Variants in DOK7 observed in about 807,000 individuals in gnomAD.
DOK7 encodes protein Dok-7.
Under a neutral mutation model 30.7 loss-of-function variants are expected in DOK7, and 32 were observed. The observed-to-expected ratio is 1.04, with a 90% CI of 0.79 to 1.40. The LOEUF (loss-of-function observed/expected upper bound fraction) is 1.40. Ranked by LOEUF, DOK7 falls within the 40% of genes most tolerant of loss-of-function variation. The pLI, the probability that DOK7 is intolerant of heterozygous loss-of-function variation, is 0.00. For synonymous variants in DOK7, 447 were observed against 324.1 expected, an observed-to-expected ratio of 1.38 and a Z score of -4.07; for missense variants, 1,007 against 699.2, an observed-to-expected ratio of 1.44 and a Z score of -4.97.
At chr4:3,497,410 A>T (rs9683647), downstream of DOK7, among the ~76,000 whole-genome samples, 350 of 151,562 alleles carry the variant, frequency 2.3e-3, 10 homozygotes, top group East Asian at 0.062. Flanking sequence ...GTTGGGAGGG[A>T]GGGCCAGGCA....
intron 5 of DOK7, among the ~76,000 whole-genome samples, chr4:3,488,297 C>G (rs569779328): frequency 2.3e-3 from 344 of 152,358 alleles, no homozygotes; most frequent in Non-Finnish European, 4.1e-3. Context: ...GAGCTCTCAC[C>G]TGCCCGTGGG....
rs528747237 is a variant in DOK7 at position 3,494,091 on chromosome 4, C to T, written c.*590C>T. On this transcript the variant is annotated 3_prime_UTR_variant, in exon 7 of 7. Transcript: ENST00000340083. ...GCTTGCGGGGTCTCTGGGTTCTGGG[C>T]CCCACTGTTCCCCAGTGAAGCCCTT... 6.1e-5 allele frequency: 60 copies of T among 986,382 alleles called. No individual in the cohort carries two copies. The African/African-American group carries it at 9.9e-4, about 16-fold the overall frequency. 61.1% of individuals were successfully genotyped at this position (986,382 alleles called of 1,614,324 possible).
intron 2 of DOK7, among the ~76,000 whole-genome samples, chr4:3,473,038 A>G (rs530240900): frequency 1.3e-5 from 2 of 152,306 alleles, no homozygotes; most frequent in South Asian, 4.2e-4. Context: ...GGCAGGCCCC[A>G]CGCTGGGCCC....
At chr4:3,494,956 G>A (rs78770234), downstream of DOK7, among the ~76,000 whole-genome samples, 5,659 of 152,226 alleles carry the variant, frequency 0.037, 137 homozygotes, top group Admixed American at 0.062. Flanking sequence ...GTGCCTGCCT[G>A]TCCCTTTGCC....
chr4:3,468,186 G>A (rs1307746980), intron 2 of DOK7, among the ~76,000 whole-genome samples: 3 of 144,670 alleles, frequency 2.1e-5, no homozygotes, highest in Non-Finnish European at 4.5e-5. Context: ...CTGTGTGTGG[G>A]GGTGTGTGTG....
intron 4 of DOK7, among the ~76,000 whole-genome samples, chr4:3,478,983 AGGGGCAGCGGCATCAGCTTCCT>A (rs1727283600): frequency 6.6e-6 from 1 of 152,152 alleles, no homozygotes; most frequent in South Asian, 2.1e-4. Flanking sequence ...CGGGTGGTCC[AGGGGCAGCGGCATCAGCTTCCT>A]GGGGCTTCTG....
At chr4:3,478,327 G>T (rs954962188) in intron 4 of DOK7, among the ~76,000 whole-genome samples, 1 of 152,182 alleles carries the variant, frequency 6.6e-6, no homozygotes, top group Non-Finnish European at 1.5e-5. Flanking sequence ...CCCCTTTTCC[G>T]CTGGTAAACA....
At position 3,494,335 on chromosome 4, in the gene DOK7, C is replaced by A; in HGVS notation, c.*834C>A. 1.0e-6 allele frequency: 1 copy of A among 985,792 alleles called. No individual in the cohort carries two copies. Among genetic ancestry groups the A allele is most frequent in the Non-Finnish European group, 1.2e-6 (1 of 830,192 alleles). The allele number at this position is 985,792 out of a possible 1,614,324, so 61.1% of individuals were successfully genotyped here. A position where few individuals can be genotyped will look rare whatever the true frequency, so the allele number is the denominator to read the frequency against. On this transcript the variant is annotated 3_prime_UTR_variant, in exon 7 of 7. Coordinates refer to ENST00000340083, the MANE Select transcript of DOK7 (RefSeq NM_173660.5). ...TGTGTTGGGCCCATTGTCCCCCGCC[C>A]TGGGTGGCTTCCTCTTGCACAGCCT... is the stretch of plus-strand genomic sequence containing the variant.
intron 5 of DOK7, among the ~76,000 whole-genome samples, chr4:3,488,979 T>TCGCAGCAG (rs1727989092): frequency 6.6e-6 from 1 of 152,190 alleles, no homozygotes; most frequent in African/African-American, 2.4e-5. Context: ...ATGCTGAGGC[T>TCGCAGCAG]CGCAGCAGCG....
chr4:3,486,919 A>T (rs993518065), intron 5 of DOK7, among the ~76,000 whole-genome samples: 1 of 152,112 alleles, frequency 6.6e-6, no homozygotes, highest in Non-Finnish European at 1.5e-5. Flanking sequence ...CCCCTCAGGC[A>T]GTTCCCGGGG....
chr4:3,478,533 G>T (rs1727254383), intron 4 of DOK7, among the ~76,000 whole-genome samples: 1 of 83,336 alleles, frequency 1.2e-5, no homozygotes, highest in South Asian at 3.9e-4. Flanking sequence ...TGCAAACCGG[G>T]CTGGCCCCAC....
At chr4:3,481,446 G>A (rs555050374) in intron 4 of DOK7, among the ~76,000 whole-genome samples, 1 of 132,896 alleles carries the variant, frequency 7.5e-6, no homozygotes. Flanking sequence ...GGGAAGGGGG[G>A]GCCTTCTAGA....
chr4:3,485,453 T>G, intron 4 of DOK7, 86 bp from the exon 5 acceptor site: 1 of 1,393,308 alleles, frequency 7.2e-7, no homozygotes, highest in South Asian at 1.8e-5. Flanking sequence ...TTGGTGGAGT[T>G]TGCTGCGGTT....
intron 6 of DOK7, among the ~76,000 whole-genome samples, chr4:3,490,878 C>T (rs539633127): frequency 8.3e-6 from 1 of 120,536 alleles, no homozygotes; most frequent in East Asian, 2.8e-4. Flanking sequence ...CCTTCATTAC[C>T]CTCCTGCTCA....
At position 3,473,656 on chromosome 4, in the gene DOK7, GC is replaced by G; in HGVS notation, c.331+22del. ...GCGAGGGTGAGTGACGGGGGCCGGG[GC>G]CGGGCGGGGGCTCCCCGTTCAGGTG... On this transcript the variant is annotated intron_variant, in intron 3 of 6. Transcript: ENST00000340083. The G allele has an allele frequency of 6.6e-7, 1 of 1,526,686 alleles. No individual in the cohort carries two copies. Among genetic ancestry groups the G allele is most frequent in the Non-Finnish European group, 8.8e-7 (1 of 1,130,046 alleles). The allele number at this position is 1,526,686 out of a possible 1,614,324, so 94.6% of individuals were successfully genotyped here.
chr4:3,463,620 A>T (rs1242283263), intron 2 of DOK7, 69 bp downstream of exon 2: 27 of 1,511,696 alleles, frequency 1.8e-5, no homozygotes, highest in Non-Finnish European at 2.2e-5. Context: ...CCGGGGCAGT[A>T]ATGCCAGCTT....
chr4:3,489,578 C>T, intron 5 of DOK7, 99 bp from the exon 6 acceptor site: 1 of 1,541,270 alleles, frequency 6.5e-7, no homozygotes, highest in Non-Finnish European at 8.8e-7. Flanking sequence ...TGCCACTCCA[C>T]AGAGGGGGAT....
intron 5 of DOK7, among the ~76,000 whole-genome samples, chr4:3,488,860 G>A (rs1281785080): frequency 6.6e-6 from 1 of 151,786 alleles, no homozygotes; most frequent in East Asian, 1.9e-4. Context: ...GAAGGGGCAG[G>A]GTCTTGAGCC....
intron 5 of DOK7, among the ~76,000 whole-genome samples, chr4:3,487,682 G>T (rs531508936): frequency 3.3e-5 from 5 of 152,204 alleles, no homozygotes; most frequent in African/African-American, 1.2e-4. Context: ...GGCTCAGGGG[G>T]CGTGTGGTGG....
Sources: allele counts gnomAD v4.1 joint callset (sites outside exome capture counted in the v4.1 genomes callset), GRCh38; gene constraint gnomAD v4.1.1; transcripts MANE v1.5; gene names NCBI Gene and HGNC (gene_info 2026-07-23, HGNC 2026-07-21).